Variants in PDLIM2 observed in about 807,000 individuals in gnomAD.
PDLIM2 encodes the protein PDZ and LIM domain protein 2.
A neutral mutation model predicts 54.1 loss-of-function variants in PDLIM2; 51 were observed. The ratio of observed to expected loss-of-function variants is 0.94; its 90% CI spans 0.75 to 1.19. The LOEUF (loss-of-function observed/expected upper bound fraction) is 1.19. Among genes scored for constraint, PDLIM2 ranks in the 50% most tolerant of loss-of-function variants. The pLI is 0.00. For missense variants in PDLIM2, 912 were observed against 874.0 expected, an observed-to-expected ratio of 1.04 and a Z score of -0.55; for synonymous variants, 398 against 385.6, an observed-to-expected ratio of 1.03 and a Z score of -0.38.
chr8:22,593,421 C>A (rs770280588), intron 9 of PDLIM2: 17 of 303,906 alleles, frequency 5.6e-5, no homozygotes, highest in Admixed American at 9.4e-5. Flanking sequence ...ACTAAAAATA[C>A]AAAAACTTAG....
At position 22,579,369 on chromosome 8, in the gene PDLIM2, CT is replaced by C. The variant is rs766537448; in HGVS notation, c.591del (p.Ala198ArgfsTer56). 9 of 1,486,100 alleles carry C rather than the reference CT, an allele frequency of 6.1e-6. No individual in the cohort carries two copies. The South Asian group carries it at 1.1e-4, about 19-fold the overall frequency. 92.1% of individuals were successfully genotyped at this position (1,486,100 alleles called of 1,614,324 possible). A position where few individuals can be genotyped will look rare whatever the true frequency, so the allele number is the denominator to read the frequency against. ...GCATCAGCGGGGGCGCCCCCGCGAG[CT>C]GCGCTCTCCCCGGCCGGAGCGCTCC... is the stretch of plus-strand genomic sequence containing the variant. On this transcript the variant is annotated frameshift_variant, in exon 1 of 10. Transcript: ENST00000308354. LOFTEE classifies it high-confidence loss of function.
chr8:22,596,411 A>G (rs1452560035), downstream of PDLIM2: 1 of 152,188 alleles, frequency 6.6e-6, no homozygotes, highest in African/African-American at 2.4e-5. Context: ...CAGCCACACA[A>G]TCAGCCCGGC....
chr8:22,581,147 C>T (rs1321569066), intron 2 of PDLIM2: 3 of 664,418 alleles, frequency 4.5e-6, no homozygotes, highest in Non-Finnish European at 8.3e-6. Flanking sequence ...AATTCTGCCA[C>T]TGCACATTCT....
Position 22,580,717 on chromosome 8 carries a change from G to T in PDLIM2, c.843+20G>T. On this transcript the variant is annotated intron_variant, in intron 2 of 9. Coordinates refer to ENST00000308354, the Ensembl canonical transcript of PDLIM2. ...ACTAAGGTAAGGATGGTGGCTCAAAGAGATGAGAAGGTCCTGCCAGAAGCG... is the reference window on the plus strand; with the variant it reads ...ACTAAGGTAAGGATGGTGGCTCAAATAGATGAGAAGGTCCTGCCAGAAGCG... 1 of 1,612,114 alleles carries T rather than the reference G, an allele frequency of 6.2e-7. No individual in the cohort carries two copies. The highest frequency in any genetic ancestry group is 8.5e-7 in the Non-Finnish European group (1 of 1,178,606).
At chr8:22,587,296 G>C (rs1402486906) in intron 6 of PDLIM2, among the ~76,000 whole-genome samples, 1 of 152,054 alleles carries the variant, frequency 6.6e-6, no homozygotes, top group Non-Finnish European at 1.5e-5. Context: ...TACTCCGGAG[G>C]CTGGGGCGGG....
At chr8:22,587,501 C>T (rs1260345236) in intron 6 of PDLIM2, among the ~76,000 whole-genome samples, 1 of 152,116 alleles carries the variant, frequency 6.6e-6, no homozygotes, top group African/African-American at 2.4e-5. Flanking sequence ...ACCCCTGACC[C>T]CCTGCCCTGC....
At chr8:22,589,644 C>T (rs745916246) in exon 8 of PDLIM2, 17 of 1,593,282 alleles carry the variant, frequency 1.1e-5, no homozygotes, top group Non-Finnish European at 1.2e-5. Context: ...ACTCGGAAGT[C>T]TTCAAGATGC....
In PDLIM2 at chr8:22,583,732, G is replaced by T. The variant is rs570626984; in HGVS notation, c.996-1089G>T. Among the ~76,000 whole-genome samples the T allele has an allele frequency of 1.6e-4, 25 of 151,654 alleles. 1 individual carries two copies. The Middle Eastern group carries it at 0.014, about 84-fold the overall frequency. On this transcript the variant is annotated intron_variant, in intron 3 of 9. Coordinates refer to ENST00000308354, the Ensembl canonical transcript of PDLIM2. ...CAGTGAGCCGAGATTGCACCACTGC[G>T]CTCCAGCCTGGGTGACAGAGCGAGA...
chr8:22,587,328 T>C (rs796745018), intron 6 of PDLIM2, among the ~76,000 whole-genome samples: 5 of 151,656 alleles, frequency 3.3e-5, no homozygotes, highest in African/African-American at 1.2e-4. Flanking sequence ...AGCCCAGGAG[T>C]CCAGACCAGT....
At chr8:22,584,092 C>G (rs976021938) in intron 3 of PDLIM2, among the ~76,000 whole-genome samples, 1 of 151,870 alleles carries the variant, frequency 6.6e-6, no homozygotes, top group East Asian at 1.9e-4. Flanking sequence ...ACCTCTGCCT[C>G]CCTGGGTCAA....
chr8:22,594,391 TTTC>T (rs1243852392), downstream of PDLIM2: 54 of 1,540,570 alleles, frequency 3.5e-5, 2 homozygotes, highest in Admixed American at 2.2e-4. Flanking sequence ...GCAACATACG[TTTC>T]TTCTTCTTTT....
intron 9 of PDLIM2, 44 bp from the exon 9 acceptor site, chr8:22,593,689 C>G: frequency 1.3e-6 from 2 of 1,524,854 alleles, no homozygotes; most frequent in South Asian, 1.2e-5. Flanking sequence ...TGGCCTCCTG[C>G]TTGGTGCTGT....
chr8:22,579,432 G>C (rs773839031), exon 1 of PDLIM2: 2 of 1,515,498 alleles, frequency 1.3e-6, no homozygotes, highest in South Asian at 2.4e-5. Flanking sequence ...CTTTGCCCTC[G>C]GAGCGAAGGA....
intron 9 of PDLIM2, chr8:22,592,931 T>G (rs1174868913): frequency 2.0e-5 from 3 of 152,256 alleles, no homozygotes; most frequent in Admixed American, 6.5e-5. Context: ...AGGAGCGCAG[T>G]AGTGCCGTCA....
chr8:22,594,254 T>G (rs984027446), exon 10 of PDLIM2: 15 of 1,392,298 alleles, frequency 1.1e-5, no homozygotes, highest in African/African-American at 1.5e-5. Context: ...GTGTAAAGTT[T>G]TTGACATACT....
At position 22,581,028 on chromosome 8, in the gene PDLIM2, G is replaced by C. The variant is rs185151041; in HGVS notation, c.843+331G>C. On this transcript the variant is annotated intron_variant, in intron 2 of 9. Transcript: ENST00000308354. ...TCTTGGCAGTCTCCTCTTGACCTGG[G>C]CCCAGGCTGGGAACATTCACAGGAG... 2.0e-3 allele frequency: 1,341 copies of C among 657,890 alleles called. 13 individuals carry two copies. The African/African-American group carries it at 0.021, about 10-fold the overall frequency. 40.8% of individuals were successfully genotyped at this position (657,890 alleles called of 1,614,324 possible).
chr8:22,589,615 A>C, exon 8 of PDLIM2: 3 of 1,602,628 alleles, frequency 1.9e-6, no homozygotes, highest in Non-Finnish European at 8.5e-7. Flanking sequence ...GGAAGGGGGA[A>C]GCCTCCTCCT....
downstream of PDLIM2, chr8:22,596,738 C>T (rs1484104571): frequency 6.6e-6 from 1 of 152,242 alleles, no homozygotes. Flanking sequence ...CACAGCTAGA[C>T]AGTCATAATG....
At chr8:22,579,686 C>G in intron 1 of PDLIM2, 1 of 901,726 alleles carries the variant, frequency 1.1e-6, no homozygotes. Context: ...CTTGCGTCCC[C>G]AGGGCAGCCC....
Sources: allele counts gnomAD v4.1 joint callset (sites outside exome capture counted in the v4.1 genomes callset), GRCh38; gene constraint gnomAD v4.1.1; transcripts MANE v1.5; gene names NCBI Gene and HGNC (gene_info 2026-07-23, HGNC 2026-07-21).